The following GALNT15 variants were observed in gnomAD, a reference collection of about 807,000 sequenced individuals.
GALNT15 encodes UDP-GalNAc transferase T15.
A neutral mutation model predicts 66.8 loss-of-function variants in GALNT15; 67 were observed. The ratio of observed to expected loss-of-function variants is 1.00; its 90% confidence interval spans 0.82 to 1.23. The LOEUF is 1.23. Ranked by LOEUF, GALNT15 falls within the 50% of genes most tolerant of loss-of-function variation. The pLI, the probability that GALNT15 is intolerant of heterozygous loss-of-function variation, is 0.00. For synonymous variants in GALNT15, 313 were observed against 311.5 expected (o/e 1.00, Z -0.05); for missense variants, 827 against 804.3 (o/e 1.03, Z -0.34).
chr3:16,210,984 T>C (rs2124885576), intron 4 of GALNT15, 140 bp from the exon 5 acceptor site: 2 of 621,566 alleles, frequency 3.2e-6, no homozygotes, highest in East Asian at 5.5e-5. Context: ...AGTCTTGCAA[T>C]TAAAAAATTG....
chr3:16,179,892 A>C (rs905737304), intron 1 of GALNT15, among the ~76,000 whole-genome samples: 3 of 152,204 alleles, frequency 2.0e-5, no homozygotes, highest in African/African-American at 7.2e-5. Context: ...AGCTGCTGTC[A>C]AAGAAGGGGC....
At chr3:16,178,871 G>A (rs1314381281) in intron 1 of GALNT15, among the ~76,000 whole-genome samples, 1 of 152,140 alleles carries the variant, frequency 6.6e-6, no homozygotes, top group African/African-American at 2.4e-5. Flanking sequence ...CCGTGCTATC[G>A]CCAGCCACAC....
chr3:16,222,617 C>A lies in GALNT15; in HGVS notation c.1632C>A (p.Tyr544Ter), dbSNP rs770812263. ...AACAACTATTGCTTCTGTCACAGTA[C>A]CTGCAGCACACCAGCAGGAAGGAGA... ...APCSDSRQQQ[Y>*]LQHTSRKEIH... Residue 544 changes from tyrosine (Y) to a stop codon, truncating the protein, a stop_gained and splice_region_variant, in exon 9 of 10, where the codon TAC becomes TAA. Transcript: ENST00000339732. LOFTEE classifies it high-confidence loss of function. The A allele has an allele frequency of 6.2e-7, 1 of 1,614,220 alleles. No individual in the cohort carries two copies. The highest frequency in any genetic ancestry group is 8.5e-7 in the Non-Finnish European group (1 of 1,180,032).
At chr3:16,215,179 T>C (rs2063858275) in intron 6 of GALNT15, among the ~76,000 whole-genome samples, 1 of 152,254 alleles carries the variant, frequency 6.6e-6, no homozygotes, top group South Asian at 2.1e-4. Context: ...TTCAACCTTC[T>C]TCCCACATTG....
the GALNT15 span, among the ~76,000 whole-genome samples, chr3:16,243,796 T>G: frequency 6.6e-6 from 1 of 152,228 alleles, no homozygotes; most frequent in Non-Finnish European, 1.5e-5. Flanking sequence ...CTGTACTTGA[T>G]AAACACCCCT....
intron 6 of GALNT15, among the ~76,000 whole-genome samples, chr3:16,218,956 A>C (rs1459708040): frequency 6.6e-6 from 1 of 151,962 alleles, no homozygotes; most frequent in Non-Finnish European, 1.5e-5. Context: ...CTGGGATTAC[A>C]GGCATGCGCC....
chr3:16,180,502 C>A lies in GALNT15; in HGVS notation c.539+4812C>A, dbSNP rs1485983979. Among the ~76,000 whole-genome samples the A allele has an allele frequency of 3.3e-5, 5 of 151,878 alleles. No individual in the cohort carries two copies. The highest frequency in any genetic ancestry group is 5.9e-5 in the Non-Finnish European group (4 of 67,996). On this transcript the variant is annotated intron_variant, in intron 1 of 9. Transcript: ENST00000339732. This position sits in a 1 kb window ranked among gnomAD's most constrained non-coding sequence, Gnocchi z 5.0. ...CCCAAAAGTATGTGCACACCCAACC[C>A]CCCTATATTGCTTGTTAAAAAGACG...
the GALNT15 span, among the ~76,000 whole-genome samples, chr3:16,238,062 A>G: frequency 6.6e-6 from 1 of 152,236 alleles, no homozygotes; most frequent in African/African-American, 2.4e-5. This position sits in a 1 kb window ranked among gnomAD's most constrained non-coding sequence, Gnocchi z 4.8. Context: ...GCTCTGCAGA[A>G]TTATCTTCCA....
Position 16,214,085 on chromosome 3 carries a change from A to G in GALNT15, c.1392+1322A>G, listed in dbSNP as rs188742644. Among the ~76,000 whole-genome samples, 4 of 152,326 alleles carry G rather than the reference A, an allele frequency of 2.6e-5. No individual in the cohort carries two copies. In the East Asian group the frequency reaches 7.7e-4, roughly 29 times the overall value. Reference sequence around the variant, plus strand: ...GACCCCGTCGGTTAGTCACACTATTAAACAGAGTGGCACTGGCTCCTTTCC... The same window carrying G: ...GACCCCGTCGGTTAGTCACACTATTGAACAGAGTGGCACTGGCTCCTTTCC... On this transcript the variant is annotated intron_variant, in intron 6 of 9. Coordinates refer to ENST00000339732, the MANE Select transcript of GALNT15 (RefSeq NM_054110.5).
chr3:16,191,222 T>C lies in GALNT15; in HGVS notation c.540-4538T>C, dbSNP rs1312995631. On this transcript the variant is annotated intron_variant, in intron 1 of 9. Coordinates refer to ENST00000339732, the MANE Select transcript of GALNT15 (RefSeq NM_054110.5). This position sits in a 1 kb window ranked among gnomAD's most constrained non-coding sequence, Gnocchi z 5.2. ...ATGAAATTCTCTTTGAAATGCTTGC[T>C]GTCCTTATTTTTCTGCCTCCTTCTT... 1.3e-5 allele frequency among the ~76,000 whole-genome samples: 2 copies of C among 152,252 alleles called. No individual in the cohort carries two copies. The highest frequency in any genetic ancestry group is 2.9e-5 in the Non-Finnish European group (2 of 68,034).
intron 3 of GALNT15, among the ~76,000 whole-genome samples, chr3:16,206,817 C>T (rs1222663159): frequency 1.3e-5 from 2 of 152,134 alleles, no homozygotes; most frequent in Non-Finnish European, 2.9e-5. Flanking sequence ...TGCATTTCTT[C>T]CTAATTCAGC....
intron 1 of GALNT15, among the ~76,000 whole-genome samples, chr3:16,178,394 C>T (rs1463596032): frequency 6.6e-6 from 1 of 152,132 alleles, no homozygotes; most frequent in African/African-American, 2.4e-5. Context: ...ACTGAAGGTC[C>T]CAGGCAGTCG....
In GALNT15 at chr3:16,204,131, C is replaced by T. The variant is rs969850063; in HGVS notation, c.911+3308C>T. Among the ~76,000 whole-genome samples the T allele has an allele frequency of 1.3e-5, 2 of 152,080 alleles. No individual in the cohort carries two copies. Among genetic ancestry groups the T allele is most frequent in the African/African-American group, 4.8e-5 (2 of 41,396 alleles). ...ATCAGCTCTTTCAAAGAGCCGTAGC[C>T]TCCTCCACACCCTGGCCAAGGAATT... On this transcript the variant is annotated intron_variant, in intron 3 of 9. Coordinates refer to ENST00000339732, the MANE Select transcript of GALNT15 (RefSeq NM_054110.5). The surrounding 1 kb of genome is among the most constrained non-coding windows in gnomAD (Gnocchi z 4.5).
At chr3:16,235,416 C>G (rs2064120189), downstream of GALNT15, among the ~76,000 whole-genome samples, 1 of 152,178 alleles carries the variant, frequency 6.6e-6, no homozygotes, top group African/African-American at 2.4e-5. Context: ...TTTCCTATAA[C>G]TGATACATAC....
downstream of GALNT15, among the ~76,000 whole-genome samples, chr3:16,230,529 C>A (rs138909302): frequency 3.3e-5 from 5 of 151,584 alleles, no homozygotes; most frequent in African/African-American, 1.2e-4. This position sits in a 1 kb window ranked among gnomAD's most constrained non-coding sequence, Gnocchi z 4.5. Context: ...TGACCAGTCA[C>A]CAAATTTGGA....
downstream of GALNT15, among the ~76,000 whole-genome samples, chr3:16,235,459 A>T (rs1158844018): frequency 1.3e-5 from 2 of 152,216 alleles, no homozygotes; most frequent in Non-Finnish European, 2.9e-5. Flanking sequence ...ATACCATAGA[A>T]GTTAGGAGTG....
In GALNT15 at chr3:16,188,633, C is replaced by T. The variant is rs2063542414; in HGVS notation, c.540-7127C>T. ...GCACTAGGAGGGGATGGTGTAGATG[C>T]AGTTCAGGACCTTTCAAAGATCTTT... On this transcript the variant is annotated intron_variant, in intron 1 of 9. Coordinates refer to ENST00000339732, the MANE Select transcript of GALNT15 (RefSeq NM_054110.5). This position sits in a 1 kb window ranked among gnomAD's most constrained non-coding sequence, Gnocchi z 4.6. Among the ~76,000 whole-genome samples the T allele has an allele frequency of 6.6e-6, 1 of 150,880 alleles. No homozygotes were observed. Among genetic ancestry groups the T allele is most frequent in the Admixed American group, 6.6e-5 (1 of 15,166 alleles).
chr3:16,192,583 A>G (rs1418945880), intron 1 of GALNT15, among the ~76,000 whole-genome samples: 1 of 152,124 alleles, frequency 6.6e-6, no homozygotes, highest in Non-Finnish European at 1.5e-5. Flanking sequence ...AGAAGTGGAG[A>G]GGATATGAGG....
the GALNT15 span, among the ~76,000 whole-genome samples, chr3:16,242,237 G>T: frequency 1.3e-5 from 2 of 152,164 alleles, no homozygotes; most frequent in Non-Finnish European, 2.9e-5. The surrounding 1 kb of genome is among the most constrained non-coding windows in gnomAD (Gnocchi z 5.6). Context: ...CTTATCAAAG[G>T]GACAAGTAGC....
Sources: allele counts gnomAD v4.1 joint callset (sites outside exome capture counted in the v4.1 genomes callset), GRCh38; gene constraint gnomAD v4.1.1; non-coding constraint Gnocchi (gnomAD v3.1); transcripts MANE v1.5; gene names NCBI Gene and HGNC (gene_info 2026-07-23, HGNC 2026-07-21).